Variants in KCNIP4 observed in about 807,000 individuals in gnomAD.
The protein encoded by KCNIP4 is Kv channel-interacting protein 4.
A neutral mutation model predicts 34.0 loss-of-function variants in KCNIP4; 12 were observed. The ratio of observed to expected loss-of-function variants is 0.35; its 90% confidence interval spans 0.23 to 0.57. KCNIP4 has a LOEUF of 0.57. Ranked by LOEUF, KCNIP4 falls within the 20% of genes least tolerant of loss-of-function variation. KCNIP4 has a pLI of 0.83. For missense variants in KCNIP4, 238 were observed against 311.7 expected (o/e 0.76, Z 1.78); for synonymous variants, 124 against 102.2 (o/e 1.21, Z -1.29).
chr4:21,373,571 C>T (rs1720693588), intron 1 of KCNIP4, among the ~76,000 whole-genome samples: 1 of 146,890 alleles, frequency 6.8e-6, no homozygotes, highest in South Asian at 2.1e-4. Flanking sequence ...TATTTGATAT[C>T]AATAAGAAGA....
At chr4:21,659,347 C>A (rs1170341790) in intron 1 of KCNIP4, among the ~76,000 whole-genome samples, 1 of 152,122 alleles carries the variant, frequency 6.6e-6, no homozygotes, top group African/African-American at 2.4e-5. Context: ...AATCTCTCAT[C>A]TCTTTATTCA....
chr4:21,903,265 A>G (rs1727807315), intron 1 of KCNIP4, among the ~76,000 whole-genome samples: 1 of 152,152 alleles, frequency 6.6e-6, no homozygotes, highest in African/African-American at 2.4e-5. Context: ...TGACATGGAT[A>G]ATGCAGGTCA....
At chr4:21,705,255 G>A (rs116413274) in intron 1 of KCNIP4, among the ~76,000 whole-genome samples, 1,853 of 152,144 alleles carry the variant, frequency 0.012, 47 homozygotes, top group African/African-American at 0.042. Flanking sequence ...AGTGCAACAC[G>A]GCAGATCCTT....
At chr4:20,779,587 C>CA (rs1378576918) in intron 3 of KCNIP4, among the ~76,000 whole-genome samples, 3,198 of 127,554 alleles carry the variant, frequency 0.025, 68 homozygotes, top group African/African-American at 0.031. Context: ...CCCCCCCCCC[C>CA]CACACAAAAA....
At chr4:21,876,315 G>T (rs746591076) in intron 1 of KCNIP4, among the ~76,000 whole-genome samples, 5 of 152,100 alleles carry the variant, frequency 3.3e-5, no homozygotes, top group Non-Finnish European at 7.4e-5. Flanking sequence ...TAATCTCTGT[G>T]CTTTGTTGCT....
intron 1 of KCNIP4, among the ~76,000 whole-genome samples, chr4:21,285,675 A>G (rs1389780190): frequency 6.6e-6 from 1 of 150,404 alleles, no homozygotes; most frequent in Non-Finnish European, 1.5e-5. Context: ...CTAAAAATCC[A>G]AAAACAAAAC....
chr4:20,851,766 A>G (rs1721047774), intron 2 of KCNIP4, among the ~76,000 whole-genome samples: 1 of 152,236 alleles, frequency 6.6e-6, no homozygotes, highest in Non-Finnish European at 1.5e-5. Context: ...TTGTTTCTAT[A>G]TAACAACCAC....
intron 1 of KCNIP4, among the ~76,000 whole-genome samples, chr4:21,100,602 CA>C (rs1436737852): frequency 1.3e-5 from 2 of 152,066 alleles, no homozygotes; most frequent in Admixed American, 1.3e-4. Context: ...CAACCTTCAG[CA>C]ACCATCCCTG....
intron 1 of KCNIP4, among the ~76,000 whole-genome samples, chr4:21,587,022 ATCTTTGTT>A (rs1741676090): frequency 6.6e-6 from 1 of 152,028 alleles, no homozygotes; most frequent in Non-Finnish European, 1.5e-5. Flanking sequence ...CAACAAAACT[ATCTTTGTT>A]CTCAAGAAGG....
chr4:21,467,870 G>C (rs1730128545), intron 1 of KCNIP4, among the ~76,000 whole-genome samples: 1 of 152,148 alleles, frequency 6.6e-6, no homozygotes, highest in African/African-American at 2.4e-5. Flanking sequence ...TGAGGATGTG[G>C]CCATGTTAAT....
chr4:20,815,695 T>C (rs1716286534), intron 3 of KCNIP4, among the ~76,000 whole-genome samples: 1 of 152,208 alleles, frequency 6.6e-6, no homozygotes, highest in South Asian at 2.1e-4. Flanking sequence ...GTATGAAATG[T>C]TAGACATTGT....
chr4:21,091,754 G>A (rs1486779845), intron 1 of KCNIP4, among the ~76,000 whole-genome samples: 1 of 152,126 alleles, frequency 6.6e-6, no homozygotes, highest in Non-Finnish European at 1.5e-5. Context: ...CTCACATGAG[G>A]AAAGAGCAAG....
chr4:20,832,557 T>C (rs1268502862), intron 3 of KCNIP4, among the ~76,000 whole-genome samples: 1 of 152,162 alleles, frequency 6.6e-6, no homozygotes, highest in African/African-American at 2.4e-5. Flanking sequence ...ATTATATGCA[T>C]GTCTCATGCA....
At chr4:21,131,607 C>T (rs916254240) in intron 1 of KCNIP4, among the ~76,000 whole-genome samples, 1 of 151,996 alleles carries the variant, frequency 6.6e-6, no homozygotes, top group Non-Finnish European at 1.5e-5. Context: ...GAGACTCAGT[C>T]TCAAAACAAA....
At chr4:21,556,922 G>GAAAAAAAAAAAAAAA (rs1253971751) in intron 1 of KCNIP4, among the ~76,000 whole-genome samples, 12 of 70,838 alleles carry the variant, frequency 1.7e-4, no homozygotes, top group South Asian at 1.1e-3. Flanking sequence ...CTCCATCTCA[G>GAAAAAAAAAAAAAAA]AAAAAAAAAA....
At chr4:21,720,323 CA>C (rs1413306164) in intron 1 of KCNIP4, among the ~76,000 whole-genome samples, 1 of 151,850 alleles carries the variant, frequency 6.6e-6, no homozygotes, top group Non-Finnish European at 1.5e-5. Context: ...ATCAGTGCAA[CA>C]AAAGAAAATA....
chr4:21,038,684 T>G (rs1399061010), intron 1 of KCNIP4, among the ~76,000 whole-genome samples: 1 of 152,236 alleles, frequency 6.6e-6, no homozygotes. Context: ...ATAGGATAAG[T>G]TATAAATATT....
At chr4:21,616,163 C>A (rs1241475246) in intron 1 of KCNIP4, among the ~76,000 whole-genome samples, 1 of 152,174 alleles carries the variant, frequency 6.6e-6, no homozygotes, top group Non-Finnish European at 1.5e-5. Context: ...CATGCTCCAG[C>A]CTTAAAGCTT....
intron 1 of KCNIP4, among the ~76,000 whole-genome samples, chr4:21,573,593 G>T (rs1305369692): frequency 6.6e-6 from 1 of 151,768 alleles, no homozygotes; most frequent in African/African-American, 2.4e-5. Flanking sequence ...TCTATGTAAG[G>T]CCAGTAATTT....
Sources: gnomAD v4.1 joint callset for allele counts (sites outside exome capture counted in the v4.1 genomes callset) on GRCh38, gnomAD v4.1.1 for gene constraint, MANE v1.5 for transcripts, NCBI Gene and HGNC (gene_info 2026-07-23, HGNC 2026-07-21) for gene names.